The following IL12RB1 variants were observed in gnomAD, a reference collection of about 807,000 sequenced individuals.
The protein encoded by IL12RB1 is interleukin 12 receptor subunit beta 1, also known as interleukin-12 receptor subunit beta-1.
Under a neutral mutation model 94.4 loss-of-function variants are expected in IL12RB1, and 64 were observed. That is an observed-to-expected ratio of 0.68 (90% CI 0.55 to 0.83). The LOEUF is 0.83. IL12RB1 is among the 40% of genes least tolerant of loss of function. The pLI, the probability that IL12RB1 is intolerant of heterozygous loss-of-function variation, is 0.00. For synonymous variants in IL12RB1, 362 were observed against 355.5 expected (o/e 1.02, Z -0.21); for missense variants, 814 against 855.6 (o/e 0.95, Z 0.61).
In IL12RB1 at chr19:18,069,528, G is replaced by A. The variant is rs2034856376; in HGVS notation, c.1189+18C>T. On this transcript the variant is annotated intron_variant, in intron 10 of 16. Coordinates refer to ENST00000593993, the MANE Select transcript of IL12RB1 (RefSeq NM_005535.3). ...GGGCACAGAGGAGGGGTAGGCGCAG[G>A]CCATTCCAGGCCATTACCCATTCCA... 1.9e-6 allele frequency: 3 copies of A among 1,595,346 alleles called. No homozygotes were observed. Among genetic ancestry groups the A allele is most frequent in the South Asian group, 1.1e-5 (1 of 90,192 alleles).
In IL12RB1 at chr19:18,083,439, T is replaced by C; in HGVS notation, c.117A>G (p.Ala39=). Residue 39 remains alanine (A), a synonymous_variant, in exon 2 of 17, where the codon GCA becomes GCG. Coordinates refer to ENST00000593993, the MANE Select transcript of IL12RB1 (RefSeq NM_005535.3). ...TGAGGAACTGCCCCGAACCTGAGTC[T>C]GCATCCGGATATGGCGGGTCCTGAA... ...CCFQDPPYPD[A]DSGSASGPRD... is the part of the protein sequence containing the mutation. The C allele has an allele frequency of 6.2e-7, 1 of 1,614,088 alleles. No individual in the cohort carries two copies. The highest frequency in any genetic ancestry group is 8.5e-7 in the Non-Finnish European group (1 of 1,179,990).
At chr19:18,097,482 G>A (rs1376980045) in intron 1 of IL12RB1, among the ~76,000 whole-genome samples, 1 of 152,230 alleles carries the variant, frequency 6.6e-6, no homozygotes, top group African/African-American at 2.4e-5. Flanking sequence ...ACAGGCGTGA[G>A]CCACTGCGCC....
intron 13 of IL12RB1, among the ~76,000 whole-genome samples, chr19:18,063,622 A>G (rs917896186): frequency 6.6e-6 from 1 of 152,150 alleles, no homozygotes; most frequent in Admixed American, 6.6e-5. Flanking sequence ...TGAAGGACGA[A>G]TAGGAGTTGG....
chr19:18,069,984 C>T (rs2034904174), intron 9 of IL12RB1, among the ~76,000 whole-genome samples: 2 of 152,022 alleles, frequency 1.3e-5, no homozygotes, highest in African/African-American at 2.4e-5. Flanking sequence ...GGCATGATCT[C>T]GGCTCCCTGC....
intron 1 of IL12RB1, among the ~76,000 whole-genome samples, chr19:18,092,878 T>A (rs2036698531): frequency 6.6e-6 from 1 of 152,192 alleles, no homozygotes; most frequent in South Asian, 2.1e-4. Flanking sequence ...CACTTCCTGA[T>A]GTCCCTTATA....
At chr19:18,066,854 C>G (rs2034622677) in intron 11 of IL12RB1, among the ~76,000 whole-genome samples, 157 bp from the exon 12 acceptor site, 1 of 151,932 alleles carries the variant, frequency 6.6e-6, no homozygotes, top group South Asian at 2.1e-4. Flanking sequence ...TGGCAAAACC[C>G]CTTCTCTACT....
intron 10 of IL12RB1, among the ~76,000 whole-genome samples, chr19:18,068,788 ACCC>A (rs1390848286): frequency 7.4e-6 from 1 of 135,576 alleles, no homozygotes; most frequent in Non-Finnish European, 1.5e-5. Flanking sequence ...TCGCTGTGTC[ACCC>A]AGGCTGGAGT....
At chr19:18,082,040 G>T in intron 3 of IL12RB1, 110 bp downstream of exon 3, 1 of 725,302 alleles carries the variant, frequency 1.4e-6, no homozygotes, top group Non-Finnish European at 2.5e-6. Flanking sequence ...AGCCCAGGAA[G>T]GAGTGTTGAC....
intron 1 of IL12RB1, among the ~76,000 whole-genome samples, chr19:18,093,926 C>T (rs2036761179): frequency 6.6e-6 from 1 of 152,160 alleles, no homozygotes; most frequent in Admixed American, 6.6e-5. Context: ...GAGCTTCCCT[C>T]CATGTGGCCA....
Position 18,077,512 on chromosome 19 carries a change from T to C in IL12RB1, c.549+4A>G. 6.2e-7 allele frequency: 1 copy of C among 1,607,780 alleles called. No individual in the cohort carries two copies. The highest frequency in any genetic ancestry group is 1.1e-5 in the South Asian group (1 of 90,132). On this transcript the variant is annotated splice_donor_region_variant and intron_variant, in intron 5 of 16. Transcript: ENST00000593993. Reference sequence around the variant, plus strand: ...TCCACCCTGGACTTGGGAAACAAACTCACCAACTTCCATGGGCTGCTGGGT... The same window carrying C: ...TCCACCCTGGACTTGGGAAACAAACCCACCAACTTCCATGGGCTGCTGGGT...
intron 12 of IL12RB1, 124 bp from the exon 13 acceptor site, chr19:18,064,134 C>CTT (rs202141133): frequency 0.11 from 45,055 of 395,164 alleles, 3,273 homozygotes; most frequent in Non-Finnish European, 0.15. Flanking sequence ...TCTACTCTTT[C>CTT]TTTCTTTTTT....
At position 18,069,699 on chromosome 19, in the gene IL12RB1, T is replaced by G. The variant is rs746121308; in HGVS notation, c.1036A>C (p.Asn346His). 4.3e-6 allele frequency: 7 copies of G among 1,610,998 alleles called. No homozygotes were observed. The highest frequency in any genetic ancestry group is 5.9e-6 in the Non-Finnish European group (7 of 1,177,780). Reference protein sequence around the residue: ...ADTHTEPVALNISVGTNGTTM... With the variant: ...ADTHTEPVALHISVGTNGTTM... ...GTCCCGTTGGTTCCGACGCTGATATTCAGAGCCACTGGTTCTGGAAGGAGA... is the reference window on the plus strand; with the variant it reads ...GTCCCGTTGGTTCCGACGCTGATATGCAGAGCCACTGGTTCTGGAAGGAGA... Residue 346 changes from asparagine (N) to histidine (H), a missense_variant, in exon 10 of 17, where the codon AAT (asparagine) becomes CAT (histidine). Physicochemically the swap from Asn to His is moderately conservative, Grantham distance 68. Coordinates refer to ENST00000593993, the MANE Select transcript of IL12RB1 (RefSeq NM_005535.3).
intron 3 of IL12RB1, 28 bp from the exon 4 acceptor site, chr19:18,081,029 C>A (rs558108665): frequency 1.9e-6 from 3 of 1,603,976 alleles, no homozygotes; most frequent in Non-Finnish European, 2.5e-6. Flanking sequence ...GTGTCAGTGC[C>A]GAGTCTGGGG....
At chr19:18,069,468 C>T (rs895680802) in intron 10 of IL12RB1, 78 bp downstream of exon 10, 1 of 1,351,260 alleles carries the variant, frequency 7.4e-7, no homozygotes, top group Non-Finnish European at 1.0e-6. Context: ...GTGTGCCTTC[C>T]CTGCAGGTTT....
chr19:18,092,432 G>A (rs1444103800), intron 1 of IL12RB1, among the ~76,000 whole-genome samples: 2 of 151,890 alleles, frequency 1.3e-5, no homozygotes, highest in Admixed American at 6.6e-5. Flanking sequence ...GGGGTTTGCG[G>A]TGAGCCAAGA....
intron 1 of IL12RB1, among the ~76,000 whole-genome samples, chr19:18,093,976 GT>G (rs1347019757): frequency 2.0e-5 from 3 of 152,202 alleles, no homozygotes; most frequent in Non-Finnish European, 4.4e-5. Context: ...TAAAGAGGGT[GT>G]TGAAGGATGC....
At chr19:18,081,723 G>A (rs1344521272) in intron 3 of IL12RB1, among the ~76,000 whole-genome samples, 2 of 151,888 alleles carry the variant, frequency 1.3e-5, no homozygotes, top group East Asian at 2.0e-4. Flanking sequence ...AGGAGGCTGA[G>A]GCAGGAAAAT....
At position 18,066,681 on chromosome 19, in the gene IL12RB1, T is replaced by G. The variant is rs548785822; in HGVS notation, c.1344A>C (p.Thr448=). The G allele has an allele frequency of 8.0e-5, 128 of 1,608,278 alleles. 1 individual carries two copies. The South Asian group carries it at 1.3e-3, about 17-fold the overall frequency. ...HFGGNASAAG[T]PHHVSVKNHS... ...GATTCTTCACCGAGACGTGGTGCGGTGTCCCAGCTGCTGAGGCTGCAACCA... is the reference window on the plus strand; with the variant it reads ...GATTCTTCACCGAGACGTGGTGCGGGGTCCCAGCTGCTGAGGCTGCAACCA... Residue 448 remains threonine (T), a synonymous_variant, in exon 12 of 17, where the codon ACA becomes ACC. Coordinates refer to ENST00000593993, the MANE Select transcript of IL12RB1 (RefSeq NM_005535.3).
intron 1 of IL12RB1, among the ~76,000 whole-genome samples, chr19:18,096,632 C>T (rs760768933): frequency 6.6e-6 from 1 of 151,846 alleles, no homozygotes; most frequent in Non-Finnish European, 1.5e-5. Context: ...GCCAGGAGTT[C>T]GAGACAAGCC....
Sources: allele counts gnomAD v4.1 joint callset (sites outside exome capture counted in the v4.1 genomes callset), GRCh38; gene constraint gnomAD v4.1.1; transcripts MANE v1.5; gene names NCBI Gene and HGNC (gene_info 2026-07-23, HGNC 2026-07-21).